Variants in DPP10 observed in about 807,000 individuals in gnomAD.
DPP10 encodes inactive dipeptidyl peptidase 10.
In DPP10, 33 loss-of-function variants were observed where a neutral mutation model predicts 120.9. The ratio of observed to expected loss-of-function variants is 0.27; its 90% CI spans 0.21 to 0.37. The LOEUF (loss-of-function observed/expected upper bound fraction) is 0.37, where lower values mean the gene tolerates loss of function less well. Ranked by LOEUF, DPP10 falls within the 10% of genes least tolerant of loss-of-function variation. The pLI, the probability that DPP10 is intolerant of heterozygous loss-of-function variation, is 1.00. For synonymous variants in DPP10, 337 were observed against 326.1 expected (o/e 1.03, Z -0.36); for missense variants, 816 against 942.8 (o/e 0.87, Z 1.76).
intron 1 of DPP10, among the ~76,000 whole-genome samples, chr2:114,575,222 A>T (rs1452600418): frequency 6.6e-6 from 1 of 152,162 alleles, no homozygotes; most frequent in Non-Finnish European, 1.5e-5. Flanking sequence ...AAAGAAAAAA[A>T]TAAAGACAGG....
intron 5 of DPP10, among the ~76,000 whole-genome samples, chr2:115,594,754 AT>A (rs2082887569): frequency 6.6e-6 from 1 of 152,178 alleles, no homozygotes; most frequent in South Asian, 2.1e-4. Flanking sequence ...ACAACTGTGG[AT>A]GACAAAAGTC....
chr2:115,226,890 A>C, intron 1 of DPP10, among the ~76,000 whole-genome samples: 1 of 152,186 alleles, frequency 6.6e-6, no homozygotes, highest in Non-Finnish European at 1.5e-5. Flanking sequence ...GAAGATTTCC[A>C]TGAGGCATAT....
intron 1 of DPP10, among the ~76,000 whole-genome samples, chr2:115,278,654 G>A (rs1229927490): frequency 2.0e-5 from 3 of 152,028 alleles, no homozygotes; most frequent in Non-Finnish European, 4.4e-5. Flanking sequence ...ACACATGGGG[G>A]CAGGTGGGTG....
chr2:114,722,358 G>A (rs1701750494), intron 1 of DPP10, among the ~76,000 whole-genome samples: 1 of 152,160 alleles, frequency 6.6e-6, no homozygotes, highest in Non-Finnish European at 1.5e-5. Flanking sequence ...TTCAGGTAGA[G>A]AAGATCTGAA....
At chr2:115,544,004 TCTTCC>T (rs2079338453) in intron 5 of DPP10, among the ~76,000 whole-genome samples, 1 of 151,594 alleles carries the variant, frequency 6.6e-6, no homozygotes, top group Non-Finnish European at 1.5e-5. Context: ...AATTGAAAAG[TCTTCC>T]CTTCCGCTGT....
At chr2:114,454,551 G>A (rs764907187) in intron 1 of DPP10, among the ~76,000 whole-genome samples, 1 of 152,084 alleles carries the variant, frequency 6.6e-6, no homozygotes, top group South Asian at 2.1e-4. Context: ...ACTAGTTTTT[G>A]TTACCCAAGG....
chr2:115,113,682 A>G (rs1295668904), intron 1 of DPP10, among the ~76,000 whole-genome samples: 3 of 152,068 alleles, frequency 2.0e-5, no homozygotes, highest in Non-Finnish European at 4.4e-5. Flanking sequence ...TCCTTCATCT[A>G]TGTGAAAAGT....
At chr2:114,950,499 G>A (rs1697706211) in intron 1 of DPP10, among the ~76,000 whole-genome samples, 1 of 151,344 alleles carries the variant, frequency 6.6e-6, no homozygotes, top group African/African-American at 2.4e-5. Context: ...GTACAGATGG[G>A]TTTTCACGGT....
chr2:115,460,020 G>A (rs1405020135), intron 3 of DPP10, among the ~76,000 whole-genome samples: 1 of 149,094 alleles, frequency 6.7e-6, no homozygotes, highest in African/African-American at 2.5e-5. Context: ...TGTCCTCAAG[G>A]ATGTAAAAGT....
chr2:115,836,593 G>A, intron 23 of DPP10, 28 bp downstream of exon 23: 1 of 1,611,668 alleles, frequency 6.2e-7, no homozygotes, highest in Non-Finnish European at 8.5e-7. Flanking sequence ...AACAAAGAAA[G>A]AGGAGTATTT....
intron 19 of DPP10, among the ~76,000 whole-genome samples, chr2:115,799,812 A>T (rs988771650): frequency 6.6e-6 from 1 of 151,434 alleles, no homozygotes; most frequent in Non-Finnish European, 1.5e-5. Context: ...TATGTGCCAC[A>T]TTTTCTTAAT....
chr2:115,290,095 C>T (rs1029037773), intron 1 of DPP10, among the ~76,000 whole-genome samples: 17 of 152,054 alleles, frequency 1.1e-4, no homozygotes, highest in African/African-American at 4.1e-4. Context: ...GCAAACTATA[C>T]ATCCAACAAA....
chr2:115,488,760 T>C (rs2075908638), intron 3 of DPP10, among the ~76,000 whole-genome samples: 1 of 124,594 alleles, frequency 8.0e-6, no homozygotes, highest in Non-Finnish European at 1.7e-5. Context: ...GGGATAGCAT[T>C]GGGAGATATA....
intron 3 of DPP10, among the ~76,000 whole-genome samples, chr2:115,400,747 T>C (rs1050186079): frequency 2.0e-5 from 3 of 152,220 alleles, no homozygotes; most frequent in African/African-American, 7.2e-5. Flanking sequence ...AAATTTACTT[T>C]TGAAATAAAT....
At chr2:115,329,448 T>C (rs1415425770) in intron 2 of DPP10, among the ~76,000 whole-genome samples, 1 of 152,050 alleles carries the variant, frequency 6.6e-6, no homozygotes, top group East Asian at 1.9e-4. Flanking sequence ...TTCTTTATTT[T>C]TTATTTTATT....
At chr2:114,596,893 T>C (rs1197094014) in intron 1 of DPP10, among the ~76,000 whole-genome samples, 2 of 152,082 alleles carry the variant, frequency 1.3e-5, no homozygotes, top group Admixed American at 1.3e-4. Flanking sequence ...AATGAAATTC[T>C]GCAAATACTT....
chr2:115,718,054 G>A (rs1408492772), intron 7 of DPP10, among the ~76,000 whole-genome samples: 1 of 152,014 alleles, frequency 6.6e-6, no homozygotes, highest in African/African-American at 2.4e-5. Flanking sequence ...TGGGTGCGTG[G>A]TCATTAATTT....
At chr2:114,824,065 A>G (rs1686321984) in intron 1 of DPP10, among the ~76,000 whole-genome samples, 1 of 152,204 alleles carries the variant, frequency 6.6e-6, no homozygotes, top group Non-Finnish European at 1.5e-5. Flanking sequence ...GCAATTTTTA[A>G]TTGATTTTTT....
chr2:115,154,310 A>G (rs1013931338), intron 1 of DPP10, among the ~76,000 whole-genome samples: 1 of 152,196 alleles, frequency 6.6e-6, no homozygotes, highest in Non-Finnish European at 1.5e-5. Context: ...CCACACTGGA[A>G]GCTTGGTACT....
Sources: gnomAD v4.1 joint callset for allele counts (sites outside exome capture counted in the v4.1 genomes callset) on GRCh38, gnomAD v4.1.1 for gene constraint, MANE v1.5 for transcripts, NCBI Gene and HGNC (gene_info 2026-07-23, HGNC 2026-07-21) for gene names.